The following UTS2B variants were observed in gnomAD, a reference collection of about 807,000 sequenced individuals.
The protein encoded by UTS2B is urotensin 2B.
UTS2B carries 21 observed loss-of-function variants against 19.2 expected under a neutral mutation model. The ratio of observed to expected loss-of-function variants is 1.09; its 90% CI spans 0.78 to 1.58. The LOEUF (loss-of-function observed/expected upper bound fraction) is 1.58. Ranked by LOEUF, UTS2B falls within the 40% of genes most tolerant of loss-of-function variation. The pLI is 0.00. For missense variants in UTS2B, 138 were observed against 130.3 expected (o/e 1.06, Z -0.29); for synonymous variants, 57 against 50.2 (o/e 1.14, Z -0.58).
chr3:191,305,930 G>A (rs564863371), intron 3 of UTS2B, among the ~76,000 whole-genome samples: 31 of 152,000 alleles, frequency 2.0e-4, no homozygotes, highest in Middle Eastern at 3.4e-3. Context: ...TTTTTTCCCC[G>A]TTGCTTTTTT....
the UTS2B span, among the ~76,000 whole-genome samples, chr3:191,344,687 T>C: frequency 5.9e-5 from 9 of 152,302 alleles, no homozygotes; most frequent in South Asian, 1.9e-3. Flanking sequence ...CAGGCGATTC[T>C]CCTGCCTCAG....
At chr3:191,273,595 G>A (rs9857697) in intron 8 of UTS2B, 243,664 of 456,294 alleles carry the variant, frequency 0.53, 67,179 homozygotes, top group Non-Finnish European at 0.59. Context: ...GTGCTGTGCT[G>A]CAAGCATTGG....
rs138915615 is a variant in UTS2B at position 191,320,107 on chromosome 3, T to G, written c.-585-3668A>C. Among the ~76,000 whole-genome samples, 51 of 151,870 alleles carry G rather than the reference T, an allele frequency of 3.4e-4. 1 individual carries two copies. The highest frequency in any genetic ancestry group is 4.4e-5 in the Non-Finnish European group (3 of 67,964). On this transcript the variant is annotated intron_variant, in intron 2 of 8. Coordinates refer to ENST00000340524, the MANE Select transcript of UTS2B (RefSeq NM_198152.5). ...GTCTTTGTGGTAGATTGGACAGACATATAATATTGGCAGGAATAACTGACC... is the reference window on the plus strand; with the variant it reads ...GTCTTTGTGGTAGATTGGACAGACAGATAATATTGGCAGGAATAACTGACC...
Position 191,282,236 on chromosome 3 carries a change from C to A in UTS2B, c.-47G>T. On this transcript the variant is annotated 5_prime_UTR_variant, in exon 5 of 9. Transcript: ENST00000340524. Reference sequence around the variant, plus strand: ...TAGCAAAGAAACAGACTTTCCAGGTCAAGATGGATATTTCTATAGCTTTGG... The same window carrying A: ...TAGCAAAGAAACAGACTTTCCAGGTAAAGATGGATATTTCTATAGCTTTGG... 1.4e-6 allele frequency: 2 copies of A among 1,412,128 alleles called. No homozygotes were observed. The highest frequency in any genetic ancestry group is 2.4e-5 in the South Asian group (2 of 81,886). 87.5% of individuals were successfully genotyped at this position (1,412,128 alleles called of 1,614,324 possible).
chr3:191,285,959 A>T (rs571325950), intron 4 of UTS2B, among the ~76,000 whole-genome samples: 1 of 152,328 alleles, frequency 6.6e-6, no homozygotes, highest in South Asian at 2.1e-4. Context: ...CAAATGAATA[A>T]CAAAATAAAT....
At chr3:191,307,610 T>C (rs1175077713) in intron 3 of UTS2B, among the ~76,000 whole-genome samples, 1 of 152,136 alleles carries the variant, frequency 6.6e-6, no homozygotes, top group Admixed American at 6.5e-5. Context: ...CTCTCTGGCT[T>C]CCATCTCATG....
chr3:191,279,964 A>G (rs1716339861), intron 5 of UTS2B, among the ~76,000 whole-genome samples: 2 of 152,130 alleles, frequency 1.3e-5, no homozygotes, highest in African/African-American at 4.8e-5. Flanking sequence ...TAATATTAAT[A>G]AAGGAAATAT....
rs563628271 is a variant in UTS2B, at chr3:191,300,294, C to T, written c.-125+4198G>A. 7.2e-5 allele frequency among the ~76,000 whole-genome samples: 11 copies of T among 151,992 alleles called. No homozygotes were observed. The East Asian group carries it at 1.8e-3, about 24-fold the overall frequency. On this transcript the variant is annotated intron_variant, in intron 4 of 8. Coordinates refer to ENST00000340524, the MANE Select transcript of UTS2B (RefSeq NM_198152.5). The stretch of plus-strand genomic sequence containing the variant: ...CAAACTGCTGACCTCATGATCCGCC[C>T]ACCTCAGCCTCCCAAAGTGCTGGGA...
At chr3:191,334,438 A>T (rs1718079057), upstream of UTS2B, among the ~76,000 whole-genome samples, 1 of 152,212 alleles carries the variant, frequency 6.6e-6, no homozygotes, top group South Asian at 2.1e-4. Context: ...GTGGGAAACC[A>T]TAGTTAATTG....
chr3:191,293,901 G>A (rs961450663), intron 4 of UTS2B, among the ~76,000 whole-genome samples: 6 of 151,734 alleles, frequency 4.0e-5, no homozygotes, highest in Non-Finnish European at 8.8e-5. Flanking sequence ...CTGAGGTCAG[G>A]AGTTCAAGAC....
chr3:191,299,532 AG>A (rs1282891045), intron 4 of UTS2B, among the ~76,000 whole-genome samples: 1 of 152,250 alleles, frequency 6.6e-6, no homozygotes, highest in Non-Finnish European at 1.5e-5. Flanking sequence ...GGGTGCACAG[AG>A]TGCAAGAGTT....
At chr3:191,329,540 C>G (rs866363872) in intron 1 of UTS2B, 2 of 794,200 alleles carry the variant, frequency 2.5e-6, no homozygotes, top group Admixed American at 3.9e-5. Flanking sequence ...CGACCCGCTC[C>G]GTTCTCCGGC....
intron 2 of UTS2B, among the ~76,000 whole-genome samples, chr3:191,318,128 T>C (rs1560147182): frequency 6.6e-6 from 1 of 152,232 alleles, no homozygotes; most frequent in Non-Finnish European, 1.5e-5. Context: ...AATGTTGTGG[T>C]CATTTTTAAA....
At chr3:191,285,856 G>A (rs1052475982) in intron 4 of UTS2B, among the ~76,000 whole-genome samples, 1 of 151,902 alleles carries the variant, frequency 6.6e-6, no homozygotes, top group South Asian at 2.1e-4. Flanking sequence ...CCAAGATCAC[G>A]CCACTGCACT....
At chr3:191,286,675 T>A (rs1716552511) in intron 4 of UTS2B, among the ~76,000 whole-genome samples, 1 of 149,432 alleles carries the variant, frequency 6.7e-6, no homozygotes, top group Non-Finnish European at 1.5e-5. Flanking sequence ...AAAGAAAAGA[T>A]CCCAAATAAA....
At chr3:191,329,392 C>T in intron 1 of UTS2B, 1 of 404,070 alleles carries the variant, frequency 2.5e-6, no homozygotes, top group East Asian at 4.5e-5. Context: ...CGGCCCCGGT[C>T]CATTTCCGGG....
At chr3:191,312,218 G>T (rs888060997) in intron 3 of UTS2B, among the ~76,000 whole-genome samples, 2 of 151,450 alleles carry the variant, frequency 1.3e-5, no homozygotes, top group African/African-American at 4.9e-5. Context: ...CAGGCTTCAA[G>T]AAATCATCAC....
At position 191,278,122 on chromosome 3, in the gene UTS2B, AAT is replaced by A. The variant is rs766566106; in HGVS notation, c.150_151del (p.Leu51AlafsTer6). The A allele has an allele frequency of 7.6e-6, 12 of 1,570,074 alleles. No individual in the cohort carries two copies. In the South Asian group the frequency reaches 1.4e-4, roughly 19 times the overall value. On this transcript the variant is annotated frameshift_variant, in exon 6 of 9. Coordinates refer to ENST00000340524, the MANE Select transcript of UTS2B (RefSeq NM_198152.5). LOFTEE classifies it high-confidence loss of function. ...AAAATTTTTATTCAGTAGAGCCAGC[AAT>A]AGTTCCTCACGATTTGTATATTTTT...
upstream of UTS2B, among the ~76,000 whole-genome samples, chr3:191,332,379 T>C (rs1718019183): frequency 6.6e-6 from 1 of 152,198 alleles, no homozygotes; most frequent in African/African-American, 2.4e-5. Flanking sequence ...ATTGAGTTCA[T>C]ATGTAGGTGA....
Sources: gnomAD v4.1 joint callset for allele counts (sites outside exome capture counted in the v4.1 genomes callset) on GRCh38, gnomAD v4.1.1 for gene constraint, MANE v1.5 for transcripts, NCBI Gene and HGNC (gene_info 2026-07-23, HGNC 2026-07-21) for gene names.